RABGAP1L: variants seen among roughly 807,000 people sequenced by gnomAD.
RABGAP1L encodes the protein RAB GTPase activating protein 1 like, also known as rab GTPase-activating protein 1-like.
In RABGAP1L, 63 loss-of-function variants were observed where a neutral mutation model predicts 137.7. The observed-to-expected ratio is 0.46, with a 90% CI of 0.37 to 0.56. The LOEUF is 0.56. RABGAP1L is among the 20% of genes least tolerant of loss of function. The pLI is 0.00. For missense variants in RABGAP1L, 1,095 were observed against 1,244.0 expected (o/e 0.88, Z 1.80); for synonymous variants, 431 against 433.7 (o/e 0.99, Z 0.08).
chr1:174,937,066 A>T (rs1327053705), intron 19 of RABGAP1L, among the ~76,000 whole-genome samples: 1 of 127,496 alleles, frequency 7.8e-6, no homozygotes, highest in African/African-American at 3.0e-5. Flanking sequence ...TGCAACCTCC[A>T]CCTCTGAGTT....
intron 13 of RABGAP1L, among the ~76,000 whole-genome samples, chr1:174,610,920 A>C (rs1671184838): frequency 6.6e-6 from 1 of 151,306 alleles, no homozygotes; most frequent in South Asian, 2.1e-4. Flanking sequence ...TTTTCTTGTA[A>C]ATTTGTTTGA....
At chr1:174,849,974 T>C in intron 19 of RABGAP1L, 1 of 725,828 alleles carries the variant, frequency 1.4e-6, no homozygotes. Flanking sequence ...ACACATCTTT[T>C]AGAAATGACA....
chr1:174,794,037 C>T (rs1558084805), intron 18 of RABGAP1L, among the ~76,000 whole-genome samples: 1 of 152,048 alleles, frequency 6.6e-6, no homozygotes, highest in Non-Finnish European at 1.5e-5. Flanking sequence ...GTGATTTGTG[C>T]AGGATTTTAC....
chr1:174,486,346 C>G (rs1318890707), intron 13 of RABGAP1L, among the ~76,000 whole-genome samples: 1 of 143,194 alleles, frequency 7.0e-6, no homozygotes, highest in Non-Finnish European at 1.5e-5. Flanking sequence ...TATTTCTGCT[C>G]TGATCTTTTT....
intron 7 of RABGAP1L, among the ~76,000 whole-genome samples, chr1:174,269,775 T>C (rs1674402172): frequency 6.6e-6 from 1 of 152,194 alleles, no homozygotes; most frequent in Non-Finnish European, 1.5e-5. Context: ...GAACGAATGA[T>C]ATCAGATTCT....
At chr1:174,398,632 G>A (rs1222910689) in intron 13 of RABGAP1L, among the ~76,000 whole-genome samples, 1 of 152,062 alleles carries the variant, frequency 6.6e-6, no homozygotes, top group Non-Finnish European at 1.5e-5. Flanking sequence ...TTTTTCTTAA[G>A]CACCAAACAA....
chr1:174,567,685 T>A (rs1034150912), intron 13 of RABGAP1L, among the ~76,000 whole-genome samples: 2 of 152,204 alleles, frequency 1.3e-5, no homozygotes, highest in African/African-American at 4.8e-5. Flanking sequence ...GGCTGTTTGC[T>A]ATCATTGTTA....
At chr1:174,758,259 C>G (rs539406864) in intron 18 of RABGAP1L, among the ~76,000 whole-genome samples, 1 of 152,002 alleles carries the variant, frequency 6.6e-6, no homozygotes. Flanking sequence ...ATCTCCCCCT[C>G]TGCTACTTCT....
intron 1 of RABGAP1L, among the ~76,000 whole-genome samples, chr1:174,218,610 T>C (rs141287762): frequency 6.6e-6 from 1 of 152,320 alleles, no homozygotes; most frequent in African/African-American, 2.4e-5. Flanking sequence ...TCTTAGGATG[T>C]TGAATTCTGT....
At position 174,270,792 on chromosome 1, in the gene RABGAP1L, G is replaced by C. The variant is rs141986188; in HGVS notation, c.987-1622G>C. ...AACTTATTATGGTGACTATATAATGGGTTTGTAATTTAAACCCTATAATAT... is the reference window on the plus strand; with the variant it reads ...AACTTATTATGGTGACTATATAATGCGTTTGTAATTTAAACCCTATAATAT... On this transcript the variant is annotated intron_variant, in intron 7 of 25. Transcript: ENST00000681986. Among the ~76,000 whole-genome samples the C allele has an allele frequency of 1.4e-3, 210 of 151,964 alleles. 2 individuals are homozygous for C. The highest frequency in any genetic ancestry group is 4.8e-3 in the African/African-American group (199 of 41,468).
At chr1:174,260,396 G>A (rs1673485083) in intron 7 of RABGAP1L, among the ~76,000 whole-genome samples, 1 of 152,212 alleles carries the variant, frequency 6.6e-6, no homozygotes. Context: ...GCATTCAAGT[G>A]ATTGCTCAGA....
chr1:174,446,859 G>A (rs775003669), intron 13 of RABGAP1L, among the ~76,000 whole-genome samples: 2 of 152,100 alleles, frequency 1.3e-5, no homozygotes, highest in Admixed American at 6.5e-5. Context: ...AATAGAAAAG[G>A]TATAGCAACA....
At chr1:174,558,585 T>C (rs1667022765) in intron 13 of RABGAP1L, among the ~76,000 whole-genome samples, 1 of 152,186 alleles carries the variant, frequency 6.6e-6, no homozygotes, top group Non-Finnish European at 1.5e-5. Flanking sequence ...GGACCTCTAC[T>C]CCAAATAAAA....
At chr1:174,275,484 C>A (rs1674918879) in intron 8 of RABGAP1L, among the ~76,000 whole-genome samples, 1 of 151,950 alleles carries the variant, frequency 6.6e-6, no homozygotes, top group African/African-American at 2.4e-5. Context: ...TAATAGAAAC[C>A]ATATACATTC....
At chr1:174,887,965 A>T (rs2149108493) in intron 19 of RABGAP1L, among the ~76,000 whole-genome samples, 1 of 152,176 alleles carries the variant, frequency 6.6e-6, no homozygotes, top group Admixed American at 6.5e-5. Context: ...TGAACCTGGG[A>T]GGCAGAGGTT....
At chr1:174,356,309 A>G (rs1237988313) in intron 11 of RABGAP1L, among the ~76,000 whole-genome samples, 1 of 152,148 alleles carries the variant, frequency 6.6e-6, no homozygotes, top group Admixed American at 6.5e-5. Context: ...AAACAGTAAA[A>G]TTAAGAGAAA....
rs1407058858 is a variant in RABGAP1L at position 174,547,056 on chromosome 1, AGAT to A, written c.1711-90318_1711-90316del. 4.7e-5 allele frequency among the ~76,000 whole-genome samples: 7 copies of A among 147,608 alleles called. 1 individual carries two copies. The highest frequency in any genetic ancestry group is 2.2e-4 in the South Asian group (1 of 4,626). The stretch of plus-strand genomic sequence containing the variant: ...AAAAAAAAAAAAAAAAAAAAAAAAA[AGAT>A]AAAGCAGTTAAATTAACACAAGGCC... On this transcript the variant is annotated intron_variant, in intron 13 of 25. Transcript: ENST00000681986.
At chr1:174,620,731 A>G (rs990989234) in intron 13 of RABGAP1L, among the ~76,000 whole-genome samples, 2 of 152,208 alleles carry the variant, frequency 1.3e-5, no homozygotes, top group Non-Finnish European at 2.9e-5. Context: ...AGAACTAGAG[A>G]AGCAAGATGA....
intron 5 of RABGAP1L, among the ~76,000 whole-genome samples, chr1:174,248,130 T>C (rs962537527): frequency 1.8e-4 from 27 of 152,348 alleles, no homozygotes; most frequent in African/African-American, 5.5e-4. Context: ...TGTTTTCCTC[T>C]ATAAACACTT....
Sources: gnomAD v4.1 joint callset for allele counts (sites outside exome capture counted in the v4.1 genomes callset) on GRCh38, gnomAD v4.1.1 for gene constraint, MANE v1.5 for transcripts, NCBI Gene and HGNC (gene_info 2026-07-23, HGNC 2026-07-21) for gene names.